SASH1: variants seen among roughly 807,000 people sequenced by gnomAD.
SASH1 encodes SAM and SH3 domain containing 1.
SASH1 carries 44 observed loss-of-function variants against 125.2 expected under a neutral mutation model. The ratio of observed to expected loss-of-function variants is 0.35; its 90% CI spans 0.28 to 0.45. The LOEUF (loss-of-function observed/expected upper bound fraction) is 0.45. SASH1 is among the 20% of genes least tolerant of loss of function. The pLI is 1.00. For synonymous variants in SASH1, 639 were observed against 649.1 expected (o/e 0.98, Z 0.24); for missense variants, 1,426 against 1,614.5 (o/e 0.88, Z 2.00).
chr6:148,405,579 C>T (rs1177285058), intron 2 of SASH1, among the ~76,000 whole-genome samples: 1 of 152,132 alleles, frequency 6.6e-6, no homozygotes, highest in Non-Finnish European at 1.5e-5. Context: ...TTCCTTGCTA[C>T]CTCTGGCCTT....
At chr6:148,278,753 A>C (rs1473300397) in intron 1 of SASH1, 1 of 152,198 alleles carries the variant, frequency 6.6e-6, no homozygotes, top group Non-Finnish European at 1.5e-5. Flanking sequence ...GATGATGTGC[A>C]AATTTGTGAA....
At chr6:148,263,508 C>A in the SASH1 span, among the ~76,000 whole-genome samples, 1 of 152,182 alleles carries the variant, frequency 6.6e-6, no homozygotes, top group Non-Finnish European at 1.5e-5. Flanking sequence ...GCCAAGAGCA[C>A]CTGTGCACAG....
At chr6:148,412,956 G>A (rs945834351) in intron 2 of SASH1, among the ~76,000 whole-genome samples, 4 of 152,166 alleles carry the variant, frequency 2.6e-5, no homozygotes, top group Non-Finnish European at 5.9e-5. Context: ...AGACTCTGTA[G>A]GGAAATATTT....
chr6:148,504,635 A>G (rs1450880292), intron 8 of SASH1, among the ~76,000 whole-genome samples: 2 of 152,118 alleles, frequency 1.3e-5, no homozygotes, highest in African/African-American at 2.4e-5. Context: ...ACTCTGACAC[A>G]TGGCCAGGGC....
At chr6:148,307,019 C>CTTTCT (rs200841919) in intron 1 of SASH1, among the ~76,000 whole-genome samples, 2,157 of 145,854 alleles carry the variant, frequency 0.015, 39 homozygotes, top group African/African-American at 0.027. Context: ...CTACCTTTCT[C>CTTTCT]TTTCTTTTCT....
chr6:148,486,206 T>A (rs536728629), intron 7 of SASH1, among the ~76,000 whole-genome samples: 145 of 152,242 alleles, frequency 9.5e-4, no homozygotes, highest in African/African-American at 3.3e-3. Flanking sequence ...CCGCAACCTC[T>A]GCCTCCCAGG....
intron 2 of SASH1, among the ~76,000 whole-genome samples, chr6:148,421,383 A>G (rs1226824913): frequency 6.6e-6 from 1 of 152,134 alleles, no homozygotes; most frequent in South Asian, 2.1e-4. Context: ...AGCTCACTGC[A>G]TCCTCCACCC....
chr6:148,527,537 G>A lies in SASH1; in HGVS notation c.1369G>A (p.Val457Met), dbSNP rs35089420. The change falls in exon 12 of 20, where the codon GTG (valine) becomes ATG (methionine). Residue 457 changes from valine (V) to methionine (M), a missense_variant. Transcript: ENST00000367467. ...CTCTCTTGGGAAAAAGGTGAAATCA[G>A]TGAAAGAGACGATGAGAAAGAGAAT... is the stretch of plus-strand genomic sequence containing the variant. ...RISLGKKVKS[V>M]KETMRKRMSK... The A allele has an allele frequency of 1.9e-6, 3 of 1,610,420 alleles. No individual in the cohort carries two copies. The highest frequency in any genetic ancestry group is 2.7e-5 in the African/African-American group (2 of 74,756).
At chr6:148,535,000 T>A (rs1781756248) in intron 16 of SASH1, 99 bp downstream of exon 16, 1 of 1,250,936 alleles carries the variant, frequency 8.0e-7, no homozygotes, top group East Asian at 2.3e-5. Context: ...AGTCACTTAT[T>A]CTGTCCTGTT....
In SASH1 at chr6:148,301,610, G is replaced by A. The variant is rs145265008; in HGVS notation, n.74+29233G>A. Among the ~76,000 whole-genome samples the A allele has an allele frequency of 2.2e-3, 330 of 150,698 alleles. 5 individuals are homozygous for A. Among genetic ancestry groups the A allele is most frequent in the African/African-American group, 7.8e-3 (320 of 41,058 alleles). On this transcript the variant is annotated intron_variant and non_coding_transcript_variant, in intron 1 of 3. Transcript: ENST00000367469. ...TCTTTTCTTTTTGAGACAGGATCTT[G>A]CTCTGTGGCCCAGGCTGGAGTGCAG...
intron 7 of SASH1, among the ~76,000 whole-genome samples, chr6:148,481,295 C>A (rs1363188414): frequency 1.3e-5 from 2 of 152,132 alleles, no homozygotes; most frequent in Admixed American, 1.3e-4. Flanking sequence ...CTGTTCTGAT[C>A]TTCTACGCAG....
chr6:148,290,499 G>C (rs906202090), intron 1 of SASH1, among the ~76,000 whole-genome samples: 2 of 151,904 alleles, frequency 1.3e-5, no homozygotes, highest in East Asian at 3.9e-4. Context: ...CCAGCTACTC[G>C]GGAGGCTGAG....
At chr6:148,306,737 C>G (rs950713648) in intron 1 of SASH1, among the ~76,000 whole-genome samples, 3 of 152,158 alleles carry the variant, frequency 2.0e-5, no homozygotes, top group African/African-American at 7.2e-5. Context: ...TCCTCCTTTC[C>G]CCCTGAGAAA....
chr6:148,375,730 T>C (rs1265697070), intron 1 of SASH1, among the ~76,000 whole-genome samples: 2 of 152,198 alleles, frequency 1.3e-5, no homozygotes, highest in Non-Finnish European at 2.9e-5. Flanking sequence ...ATACAGATAA[T>C]ACACATGTGC....
At chr6:148,314,647 G>A (rs1328007745) in intron 1 of SASH1, among the ~76,000 whole-genome samples, 1 of 151,996 alleles carries the variant, frequency 6.6e-6, no homozygotes, top group Non-Finnish European at 1.5e-5. Context: ...TCTTTCTTGC[G>A]TCTCCACCCA....
chr6:148,385,279 C>T (rs190949969), intron 1 of SASH1, among the ~76,000 whole-genome samples: 142 of 152,136 alleles, frequency 9.3e-4, no homozygotes, highest in Admixed American at 1.5e-3. Context: ...TCCTCAGGAG[C>T]AACAAATATA....
intron 2 of SASH1, among the ~76,000 whole-genome samples, chr6:148,436,504 C>CAAAAAT (rs10696075): frequency 0.23 from 33,795 of 150,014 alleles, 4,446 homozygotes; most frequent in East Asian, 0.35. Flanking sequence ...GACCTTGTCT[C>CAAAAAT]AAAAATAAAA....
At chr6:148,538,127 C>T (rs770379513) in intron 16 of SASH1, among the ~76,000 whole-genome samples, 2 of 152,180 alleles carry the variant, frequency 1.3e-5, no homozygotes, top group Non-Finnish European at 2.9e-5. Context: ...CTTCCTTACG[C>T]CAACTGTGGT....
Position 148,534,847 on chromosome 6 carries a change from C to T in SASH1, c.2041C>T (p.Pro681Ser). The T allele has an allele frequency of 1.2e-6, 2 of 1,614,186 alleles. No homozygotes were observed. Among genetic ancestry groups the T allele is most frequent in the East Asian group, 2.2e-5 (1 of 44,882 alleles). The change falls in exon 16 of 20, where the codon CCG becomes TCG. Residue 681 changes from proline to serine, a missense_variant. Pro to Ser is a moderately conservative substitution (Grantham distance 74, BLOSUM62 -1). Transcript: ENST00000367467. ...EDLDELNIRD[P>S]EHRAVLLTAV... Reference sequence around the variant, plus strand: ...CTTGGATGAGTTAAATATCAGGGACCCGGAACACAGAGCTGTTCTCTTGAC... The same window carrying T: ...CTTGGATGAGTTAAATATCAGGGACTCGGAACACAGAGCTGTTCTCTTGAC...
Sources: allele counts gnomAD v4.1 joint callset (sites outside exome capture counted in the v4.1 genomes callset), GRCh38; gene constraint gnomAD v4.1.1; transcripts MANE v1.5; gene names NCBI Gene and HGNC (gene_info 2026-07-23, HGNC 2026-07-21).